MTMR1: variants seen among roughly 807,000 people sequenced by gnomAD.
MTMR1 encodes the protein myotubularin related protein 1.
A neutral mutation model predicts 51.6 loss-of-function variants in MTMR1; 17 were observed. The ratio of observed to expected loss-of-function variants is 0.33; its 90% CI spans 0.23 to 0.49. The LOEUF (loss-of-function observed/expected upper bound fraction) is 0.49. Among genes scored for constraint, MTMR1 ranks in the 20% least tolerant of loss-of-function variants. The pLI, the probability that MTMR1 is intolerant of heterozygous loss-of-function variation, is 0.99. For missense variants in MTMR1, 386 were observed against 526.9 expected (o/e 0.73, Z 2.62); for synonymous variants, 201 against 205.6 (o/e 0.98, Z 0.19).
chrX:150,759,323 G>A (rs2043007194), intron 15 of MTMR1, among the ~76,000 whole-genome samples: 2 of 112,160 alleles, frequency 1.8e-5, no homozygotes, highest in Admixed American at 1.9e-4. Flanking sequence ...GGGAAGATGG[G>A]CTACAGAGTG....
chrX:150,702,834 G>C (rs2040965093), intron 2 of MTMR1, among the ~76,000 whole-genome samples: 1 of 112,165 alleles, frequency 8.9e-6, no homozygotes, highest in South Asian at 3.7e-4. Context: ...AGTTTGGCAA[G>C]CATTGTCCCA....
At chrX:150,756,738 C>T (rs1419937215) in intron 15 of MTMR1, among the ~76,000 whole-genome samples, 1 of 112,357 alleles carries the variant, frequency 8.9e-6, no homozygotes, top group Non-Finnish European at 1.9e-5. Context: ...GCAACCCCTG[C>T]CTCCCAGGCT....
intron 15 of MTMR1, among the ~76,000 whole-genome samples, chrX:150,761,127 C>T (rs2043113190): frequency 1.8e-5 from 2 of 110,228 alleles, no homozygotes; most frequent in South Asian, 7.7e-4. Context: ...GATTGCAAGG[C>T]GTCCCTTGTC....
chrX:150,707,881 TA>T (rs2041169499), intron 2 of MTMR1, among the ~76,000 whole-genome samples: 1 of 112,481 alleles, frequency 8.9e-6, no homozygotes, highest in Non-Finnish European at 1.9e-5. Context: ...CTATGGACTA[TA>T]TTACTCAACA....
At chrX:150,762,481 T>C in intron 15 of MTMR1, 84 bp from the exon 16 acceptor site, 1 of 1,148,037 alleles carries the variant, frequency 8.7e-7, no homozygotes, top group South Asian at 1.9e-5. Flanking sequence ...GGTGAAAAGC[T>C]CCTGAAGCCA....
In MTMR1 at chrX:150,726,959, G is replaced by A. The variant is rs782145363; in HGVS notation, c.353-256G>A. The stretch of plus-strand genomic sequence containing the variant: ...AAAATGTTAACTACCTAGGAAAAAT[G>A]ACAGAATATAACTTCTTATGAGGCC... On this transcript the variant is annotated intron_variant, in intron 4 of 15. Coordinates refer to ENST00000445323, the MANE Select transcript of MTMR1 (RefSeq NM_001306144.3). Among the ~76,000 whole-genome samples the A allele has an allele frequency of 5.1e-4, 57 of 111,875 alleles. 1 individual carries two copies. The highest frequency in any genetic ancestry group is 1.5e-3 in the Admixed American group (16 of 10,523).
At chrX:150,728,011 A>G (rs782570308) in intron 6 of MTMR1, among the ~76,000 whole-genome samples, 126 of 111,814 alleles carry the variant, frequency 1.1e-3, no homozygotes, top group Non-Finnish European at 2.0e-3. Flanking sequence ...GTCCCTTGGT[A>G]TCGGTGGGGG....
intron 10 of MTMR1, chrX:150,735,488 C>T: frequency 2.0e-6 from 1 of 505,933 alleles, no homozygotes; most frequent in Non-Finnish European, 3.5e-6. Context: ...TACAGCTAGC[C>T]TCATGGAATG....
At chrX:150,724,561 C>A (rs2041867854) in intron 4 of MTMR1, among the ~76,000 whole-genome samples, 1 of 111,684 alleles carries the variant, frequency 9.0e-6, no homozygotes, top group African/African-American at 3.3e-5. Flanking sequence ...TTGATAGTTT[C>A]TTTTGCTGTG....
At chrX:150,714,451 T>C in intron 3 of MTMR1, 1 of 964,722 alleles carries the variant, frequency 1.0e-6, no homozygotes. Flanking sequence ...CTTTGCCTTT[T>C]CTTGTCCATG....
At chrX:150,703,603 T>C (rs1490119168) in intron 2 of MTMR1, among the ~76,000 whole-genome samples, 1 of 112,189 alleles carries the variant, frequency 8.9e-6, no homozygotes, top group Non-Finnish European at 1.9e-5. Context: ...AGTAATTACA[T>C]TTGGAGGGAA....
intron 12 of MTMR1, among the ~76,000 whole-genome samples, 177 bp downstream of exon 12, chrX:150,737,625 C>T (rs1020979381): frequency 3.6e-5 from 4 of 112,199 alleles, no homozygotes; most frequent in Non-Finnish European, 7.5e-5. Context: ...ATTGTATGTT[C>T]CTCATAGGGC....
intron 13 of MTMR1, among the ~76,000 whole-genome samples, chrX:150,747,429 TG>T (rs1557417485): frequency 7.2e-5 from 8 of 111,598 alleles, no homozygotes; most frequent in Non-Finnish European, 1.1e-4. Flanking sequence ...CACTCCAGCC[TG>T]GGTGACAGAG....
intron 4 of MTMR1, among the ~76,000 whole-genome samples, chrX:150,726,462 G>A (rs1302384687): frequency 8.9e-6 from 1 of 111,752 alleles, no homozygotes; most frequent in African/African-American, 3.3e-5. Flanking sequence ...CAGAATCCCA[G>A]CAATAGAAGG....
chrX:150,729,269 C>G (rs1557416891), intron 6 of MTMR1, among the ~76,000 whole-genome samples: 1 of 111,014 alleles, frequency 9.0e-6, no homozygotes, highest in Non-Finnish European at 1.9e-5. Flanking sequence ...TGCATGTGCT[C>G]TTTCCTTAGC....
intron 4 of MTMR1, among the ~76,000 whole-genome samples, chrX:150,721,952 G>C (rs2041765167): frequency 1.8e-5 from 2 of 111,395 alleles, no homozygotes; most frequent in African/African-American, 6.5e-5. Context: ...GTTTTTATTT[G>C]CATTCAGATC....
intron 15 of MTMR1, among the ~76,000 whole-genome samples, chrX:150,759,384 TTGGTGACTCAAAGGCCCGGGTG>T (rs1557417876): frequency 3.2e-4 from 36 of 111,732 alleles, no homozygotes; most frequent in African/African-American, 1.2e-3. Flanking sequence ...GGTGATATTC[TTGGTGACTCAAAGGCCCGGGTG>T]GTTGGTGGAG....
rs781802617 is a variant in MTMR1 at position 150,744,366 on chromosome X, G to A, written c.1479G>A (p.Val493=). ...AACCTTCTGTTTCTGTTCAGCGAGT[G>A]GGCCATGGTAATGACAACCATGCGG... is the stretch of plus-strand genomic sequence containing the variant. The part of the protein sequence containing the change: ...ISFGHRFALR[V]GHGNDNHADA... Residue 493 remains valine (V), a synonymous_variant, in exon 13 of 16, where the codon GTG becomes GTA. Coordinates refer to ENST00000445323, the MANE Select transcript of MTMR1 (RefSeq NM_001306144.3). 3.3e-6 allele frequency: 4 copies of A among 1,205,818 alleles called. No individual in the cohort carries two copies. Among genetic ancestry groups the A allele is most frequent in the Non-Finnish European group, 4.5e-6 (4 of 892,069 alleles).
chrX:150,709,816 T>C (rs1295919700), intron 2 of MTMR1, among the ~76,000 whole-genome samples: 1 of 111,847 alleles, frequency 8.9e-6, no homozygotes, highest in Non-Finnish European at 1.9e-5. Context: ...TCCACCCCCA[T>C]GACGCAAACA....
Sources: gnomAD v4.1 joint callset for allele counts (sites outside exome capture counted in the v4.1 genomes callset) on GRCh38, gnomAD v4.1.1 for gene constraint, MANE v1.5 for transcripts, NCBI Gene and HGNC (gene_info 2026-07-23, HGNC 2026-07-21) for gene names.